Variants in SMARCA5 observed in about 807,000 individuals in gnomAD.
SMARCA5 encodes SWI/SNF-related matrix-associated actin-dependent regulator of chromatin subfamily A member 5.
In SMARCA5, 18 loss-of-function variants were observed where a neutral mutation model predicts 140.4. The observed-to-expected ratio is 0.13, with a 90% confidence interval of 0.09 to 0.19. The LOEUF (loss-of-function observed/expected upper bound fraction) is 0.19. Among genes scored for constraint, SMARCA5 ranks in the 10% least tolerant of loss-of-function variants. The pLI, the probability that SMARCA5 is intolerant of heterozygous loss-of-function variation, is 1.00. For missense variants in SMARCA5, 606 were observed against 1,276.8 expected (o/e 0.47, Z 8.01); for synonymous variants, 449 against 419.6 (o/e 1.07, Z -0.86).
In SMARCA5 at chr4:143,555,969, C is replaced by G. The variant is rs552627904; in HGVS notation, c.*2785C>G. 5 of 152,328 alleles carry G rather than the reference C, an allele frequency of 3.3e-5. No homozygotes were observed. Among genetic ancestry groups the G allele is most frequent in the Admixed American group, 2.0e-4 (3 of 15,298 alleles). 9.4% of individuals were successfully genotyped at this position (152,328 alleles called of 1,614,324 possible). A position where few individuals can be genotyped will look rare whatever the true frequency, so the allele number is the denominator to read the frequency against. ...CTGGGATCATAGTTGTGAGCCTACACCACACCTGGCCTACATTTTGTTTTT... is the reference window on the plus strand; with the variant it reads ...CTGGGATCATAGTTGTGAGCCTACAGCACACCTGGCCTACATTTTGTTTTT... On this transcript the variant is annotated 3_prime_UTR_variant, in exon 24 of 24. Transcript: ENST00000283131.
At chr4:143,528,131 G>A in intron 7 of SMARCA5, 108 bp downstream of exon 7, 1 of 852,718 alleles carries the variant, frequency 1.2e-6, no homozygotes, top group Non-Finnish European at 1.7e-6. Flanking sequence ...AGAACGTGCA[G>A]GTTTGTTAAC....
intron 10 of SMARCA5, 32 bp downstream of exon 10, chr4:143,534,996 A>G (rs775499784): frequency 2.2e-6 from 3 of 1,350,904 alleles, no homozygotes; most frequent in Non-Finnish European, 1.0e-6. Context: ...TGATAGCACT[A>G]TTGATTCTTC....
Position 143,554,103 on chromosome 4 carries a change from A to G in SMARCA5, c.*919A>G, listed in dbSNP as rs1357216058. ...TTAGGGTAAATGAAAATTTTATTGT[A>G]TTTTAAAGTAGTTTCTAAGTGTTAG... is the stretch of plus-strand genomic sequence containing the variant. On this transcript the variant is annotated 3_prime_UTR_variant, in exon 24 of 24. Transcript: ENST00000283131. 1 of 151,858 alleles carries G rather than the reference A, an allele frequency of 6.6e-6. No homozygotes were observed. Among genetic ancestry groups the G allele is most frequent in the Non-Finnish European group, 1.5e-5 (1 of 67,932 alleles). The allele number at this position is 151,858 out of a possible 1,614,324, so 9.4% of individuals were successfully genotyped here.
intron 16 of SMARCA5, 98 bp downstream of exon 16, chr4:143,544,070 CAG>C: frequency 1.1e-6 from 1 of 889,204 alleles, no homozygotes; most frequent in South Asian, 3.3e-5. Flanking sequence ...TTGCTTAAAA[CAG>C]TAGTCATTTT....
At chr4:143,515,765 A>G (rs1008856266) in intron 1 of SMARCA5, among the ~76,000 whole-genome samples, 1 of 152,182 alleles carries the variant, frequency 6.6e-6, no homozygotes, top group African/African-American at 2.4e-5. Context: ...GAGTTCTACT[A>G]GGTAGAACCT....
At chr4:143,523,057 C>CA (rs1332240138) in intron 3 of SMARCA5, among the ~76,000 whole-genome samples, 1 of 152,074 alleles carries the variant, frequency 6.6e-6, no homozygotes, top group Non-Finnish European at 1.5e-5. Flanking sequence ...TTTATTGAGA[C>CA]AGAGTCTTGC....
At chr4:143,543,290 A>G (rs1737466286) in intron 14 of SMARCA5, among the ~76,000 whole-genome samples, 1 of 152,216 alleles carries the variant, frequency 6.6e-6, no homozygotes, top group Non-Finnish European at 1.5e-5. Context: ...TTCATTATAT[A>G]ATACATAAGG....
At chr4:143,514,205 C>A in intron 1 of SMARCA5, 104 bp downstream of exon 1, 1 of 1,056,642 alleles carries the variant, frequency 9.5e-7, no homozygotes. Flanking sequence ...TCTCTCTCTG[C>A]ACCAGACTCA....
intron 9 of SMARCA5, among the ~76,000 whole-genome samples, chr4:143,534,228 T>G (rs2149821253): frequency 6.6e-6 from 1 of 152,296 alleles, no homozygotes; most frequent in South Asian, 2.1e-4. Flanking sequence ...CTGGGAAATG[T>G]GACTTGCTTT....
intron 3 of SMARCA5, among the ~76,000 whole-genome samples, chr4:143,522,230 T>C (rs1736978026): frequency 6.6e-6 from 1 of 152,250 alleles, no homozygotes; most frequent in Admixed American, 6.5e-5. Flanking sequence ...CTTAGTTGTT[T>C]TTATATAAAT....
chr4:143,526,084 A>G (rs1737066859), intron 5 of SMARCA5, among the ~76,000 whole-genome samples, 197 bp from the exon 6 acceptor site: 1 of 152,204 alleles, frequency 6.6e-6, no homozygotes, highest in Admixed American at 6.5e-5. Flanking sequence ...GCGGGTGATA[A>G]TAATACCTCC....
At chr4:143,535,524 A>T (rs1245610175) in intron 10 of SMARCA5, among the ~76,000 whole-genome samples, 2 of 152,180 alleles carry the variant, frequency 1.3e-5, no homozygotes, top group African/African-American at 4.8e-5. Flanking sequence ...AGAACTGGGC[A>T]TGTTATCTGG....
At chr4:143,539,700 C>T (rs1209251160) in intron 13 of SMARCA5, among the ~76,000 whole-genome samples, 1 of 152,034 alleles carries the variant, frequency 6.6e-6, no homozygotes, top group Non-Finnish European at 1.5e-5. Context: ...CCACGCCTGA[C>T]TAATTTTGTA....
rs1161234029 is a variant in SMARCA5, at chr4:143,521,872, C to T, written c.419+277C>T. ...GGGAGTATGAGAGCAGCCTGGGCAACGTAGGGAGATCCCATCTCTACAAAA... is the reference window on the plus strand; with the variant it reads ...GGGAGTATGAGAGCAGCCTGGGCAATGTAGGGAGATCCCATCTCTACAAAA... On this transcript the variant is annotated intron_variant, in intron 3 of 23. Coordinates refer to ENST00000283131, the MANE Select transcript of SMARCA5 (RefSeq NM_003601.4). Among the ~76,000 whole-genome samples the T allele has an allele frequency of 6.2e-5, 7 of 113,456 alleles. No individual in the cohort carries two copies. The South Asian group carries it at 8.4e-4, about 14-fold the overall frequency. The allele number at this position is 113,456 out of a possible 152,430, so 74.4% of individuals were successfully genotyped here.
chr4:143,551,231 C>A (rs562704875), intron 23 of SMARCA5, among the ~76,000 whole-genome samples: 126 of 152,156 alleles, frequency 8.3e-4, no homozygotes, highest in African/African-American at 2.9e-3. Flanking sequence ...CTGTTCAGAT[C>A]TTTTGCCTAT....
At position 143,547,013 on chromosome 4, in the gene SMARCA5, GT is replaced by G. The variant is rs1227637922; in HGVS notation, c.2653+107del. The G allele has an allele frequency of 2.6e-5, 25 of 959,016 alleles. No homozygotes were observed. In the South Asian group the frequency reaches 4.1e-4, roughly 16 times the overall value. The allele number at this position is 959,016 out of a possible 1,614,324, so 59.4% of individuals were successfully genotyped here. A position where few individuals can be genotyped will look rare whatever the true frequency, so the allele number is the denominator to read the frequency against. ...GATTAGCTAATTTTGTCACAGTGTA[GT>G]TAGTACCTTCTTCATTATTTTTTAC... On this transcript the variant is annotated intron_variant, in intron 20 of 23. Coordinates refer to ENST00000283131, the MANE Select transcript of SMARCA5 (RefSeq NM_003601.4).
intron 1 of SMARCA5, 100 bp from the exon 2 acceptor site, chr4:143,517,255 G>T: frequency 1.3e-6 from 1 of 742,592 alleles, no homozygotes; most frequent in East Asian, 2.9e-5. Flanking sequence ...TTTGGGGTGA[G>T]AATGTATTAT....
chr4:143,549,510 A>T (rs1184921507), intron 22 of SMARCA5, among the ~76,000 whole-genome samples: 1 of 152,094 alleles, frequency 6.6e-6, no homozygotes, highest in Non-Finnish European at 1.5e-5. Flanking sequence ...GTAGACTTCC[A>T]TGGCTGGTTT....
chr4:143,546,521 A>G (rs1244700969), intron 19 of SMARCA5, among the ~76,000 whole-genome samples: 1 of 152,084 alleles, frequency 6.6e-6, no homozygotes, highest in African/African-American at 2.4e-5. Context: ...GTAATCCTTC[A>G]AAGCTCAGTG....
Sources: allele counts gnomAD v4.1 joint callset (sites outside exome capture counted in the v4.1 genomes callset), GRCh38; gene constraint gnomAD v4.1.1; transcripts MANE v1.5; gene names NCBI Gene and HGNC (gene_info 2026-07-23, HGNC 2026-07-21).